Variants in UACA observed in about 807,000 individuals in gnomAD.
UACA encodes nuclear membrane binding protein.
UACA carries 112 observed loss-of-function variants against 160.5 expected under a neutral mutation model. The observed-to-expected ratio is 0.70, with a 90% CI of 0.60 to 0.82. UACA has a LOEUF of 0.82. Among genes scored for constraint, UACA ranks in the 40% least tolerant of loss-of-function variants. The probability of loss-of-function intolerance (pLI) is 0.00; values close to 1 mark genes in which losing one functional copy is unlikely to be tolerated. For synonymous variants in UACA, 557 were observed against 568.4 expected (o/e 0.98, Z 0.29); for missense variants, 1,574 against 1,614.6 (o/e 0.97, Z 0.43).
At chr15:70,768,908 G>A in the UACA span, among the ~76,000 whole-genome samples, 1 of 151,998 alleles carries the variant, frequency 6.6e-6, no homozygotes, top group Non-Finnish European at 1.5e-5. Flanking sequence ...GATTTCCAAG[G>A]AGACTTTTAA....
At chr15:70,724,017 T>C (rs1342353147) in intron 1 of UACA, among the ~76,000 whole-genome samples, 1 of 152,226 alleles carries the variant, frequency 6.6e-6, no homozygotes, top group Non-Finnish European at 1.5e-5. Flanking sequence ...CTCTACTTCG[T>C]ACACTTATTA....
At chr15:70,767,443 C>T (rs145009624), upstream of UACA, among the ~76,000 whole-genome samples, 4 of 151,538 alleles carry the variant, frequency 2.6e-5, no homozygotes, top group African/African-American at 9.7e-5. Flanking sequence ...CAAAAATTAG[C>T]TGGGCGTGGT....
At chr15:70,759,283 C>A (rs529639947) in intron 1 of UACA, among the ~76,000 whole-genome samples, 2 of 152,312 alleles carry the variant, frequency 1.3e-5, no homozygotes, top group East Asian at 3.9e-4. Flanking sequence ...ACACAATTAA[C>A]CAGATCTGGT....
chr15:70,778,062 A>C, the UACA span, among the ~76,000 whole-genome samples: 1 of 152,174 alleles, frequency 6.6e-6, no homozygotes, highest in Non-Finnish European at 1.5e-5. Flanking sequence ...TTAGTCAGGC[A>C]TAGTGACATG....
In UACA at chr15:70,669,470, G is replaced by GAAA; in HGVS notation, c.1222-11_1222-9dup. ...TATACCTGGGGAAGTACACTGAAAA[G>GAAA]AAAAAAAAAAAGACATCAATCACAA... On this transcript the variant is annotated splice_polypyrimidine_tract_variant and intron_variant, in intron 15 of 18. Transcript: ENST00000322954. 1 of 1,126,148 alleles carries GAAA rather than the reference G, an allele frequency of 8.9e-7. No individual in the cohort carries two copies. The highest frequency in any genetic ancestry group is 1.2e-6 in the Non-Finnish European group (1 of 851,040). The allele number at this position is 1,126,148 out of a possible 1,614,324, so 69.8% of individuals were successfully genotyped here. A position where few individuals can be genotyped will look rare whatever the true frequency, so the allele number is the denominator to read the frequency against.
chr15:70,773,420 T>C, the UACA span, among the ~76,000 whole-genome samples: 1 of 152,154 alleles, frequency 6.6e-6, no homozygotes, highest in African/African-American at 2.4e-5. Flanking sequence ...CAGTGGAAAG[T>C]TTTTTAGTTT....
upstream of UACA, among the ~76,000 whole-genome samples, chr15:70,765,360 T>G (rs2030983074): frequency 6.6e-6 from 1 of 152,204 alleles, no homozygotes; most frequent in Non-Finnish European, 1.5e-5. Context: ...CTGTACTGTA[T>G]GCAATATATT....
chr15:70,759,955 T>G (rs750879731), intron 1 of UACA, among the ~76,000 whole-genome samples: 27 of 152,230 alleles, frequency 1.8e-4, no homozygotes, highest in Admixed American at 3.9e-4. Context: ...ATTCCACATA[T>G]TATGTAATAA....
intron 18 of UACA, among the ~76,000 whole-genome samples, chr15:70,657,840 G>C (rs1434471293): frequency 6.6e-6 from 1 of 151,984 alleles, no homozygotes; most frequent in African/African-American, 2.4e-5. Flanking sequence ...CCAGCATTTT[G>C]GGAGGCCAAG....
At chr15:70,725,159 C>T (rs1899108257) in intron 1 of UACA, among the ~76,000 whole-genome samples, 1 of 151,962 alleles carries the variant, frequency 6.6e-6, no homozygotes. Flanking sequence ...AATCCTATGA[C>T]TCCAAAACAG....
In UACA at chr15:70,669,440, G is replaced by A. The variant is rs775600260; in HGVS notation, c.1244C>T (p.Ala415Val). Reference sequence around the variant, plus strand: ...TAACATAGATCTGCTTTGCATATGGGCTGGTATACCTGGGGAAGTACACTG... The same window carrying A: ...TAACATAGATCTGCTTTGCATATGGACTGGTATACCTGGGGAAGTACACTG... ...DSQCTSPGIP[A>V]HMQSRSMLRP... The change falls in exon 16 of 19, where the codon GCC becomes GTC. Residue 415 changes from alanine to valine, a missense_variant. Physicochemically the swap from Ala to Val is moderately conservative, Grantham distance 64 (BLOSUM62 0). Transcript: ENST00000322954. The A allele has an allele frequency of 1.3e-6, 2 of 1,596,284 alleles. No homozygotes were observed. The highest frequency in any genetic ancestry group is 1.1e-5 in the South Asian group (1 of 87,522).
chr15:70,718,794 A>G (rs1898902620), intron 1 of UACA, among the ~76,000 whole-genome samples: 1 of 152,182 alleles, frequency 6.6e-6, no homozygotes, highest in Non-Finnish European at 1.5e-5. Flanking sequence ...ATAATTTTAA[A>G]ATATGTGATA....
chr15:70,712,605 A>T (rs957563013), intron 1 of UACA, among the ~76,000 whole-genome samples: 7 of 152,210 alleles, frequency 4.6e-5, no homozygotes, highest in African/African-American at 1.7e-4. Context: ...CTCCCTGCAC[A>T]GTGCTGCCCT....
upstream of UACA, among the ~76,000 whole-genome samples, chr15:70,764,212 G>T (rs2030944355): frequency 6.6e-6 from 1 of 152,190 alleles, no homozygotes; most frequent in Admixed American, 6.5e-5. Context: ...CGGAATGGGG[G>T]CGGGGAGGGA....
At chr15:70,763,147 C>T (rs1215673764) in intron 1 of UACA, among the ~76,000 whole-genome samples, 183 bp downstream of exon 1, 1 of 152,156 alleles carries the variant, frequency 6.6e-6, no homozygotes, top group East Asian at 1.9e-4. Context: ...GGTGCGGCGG[C>T]GGGGAGGATC....
intron 13 of UACA, among the ~76,000 whole-genome samples, chr15:70,675,518 C>T (rs1897279693): frequency 6.6e-6 from 1 of 152,152 alleles, no homozygotes; most frequent in African/African-American, 2.4e-5. Flanking sequence ...CTTCACACAC[C>T]TTACTCAGTA....
At chr15:70,765,130 G>A (rs79526011), upstream of UACA, among the ~76,000 whole-genome samples, 2,498 of 152,244 alleles carry the variant, frequency 0.016, 72 homozygotes, top group African/African-American at 0.058. Context: ...TTACTCTTCA[G>A]CCCATTCTCC....
chr15:70,775,722 G>T, the UACA span, among the ~76,000 whole-genome samples: 1 of 152,110 alleles, frequency 6.6e-6, no homozygotes, highest in Admixed American at 6.6e-5. Context: ...TGTCAGAGTG[G>T]TCACTTCCTG....
At chr15:70,697,324 A>G (rs1898164930) in intron 2 of UACA, among the ~76,000 whole-genome samples, 1 of 152,240 alleles carries the variant, frequency 6.6e-6, no homozygotes, top group Admixed American at 6.5e-5. Context: ...CCAGAGAAAC[A>G]GGAGACTGAA....
Sources: gnomAD v4.1 joint callset for allele counts (sites outside exome capture counted in the v4.1 genomes callset) on GRCh38, gnomAD v4.1.1 for gene constraint, MANE v1.5 for transcripts, NCBI Gene and HGNC (gene_info 2026-07-23, HGNC 2026-07-21) for gene names.